Variants in PALLD observed in about 807,000 individuals in gnomAD.
PALLD encodes the protein palladin, cytoskeletal associated protein.
In PALLD, 61 loss-of-function variants were observed where a neutral mutation model predicts 123.5. That is an observed-to-expected ratio of 0.49 (90% CI 0.40 to 0.61). The LOEUF is 0.61. PALLD is among the 20% of genes least tolerant of loss of function. The pLI is 0.00. For missense variants in PALLD, 1,273 were observed against 1,377.0 expected (o/e 0.92, Z 1.20); for synonymous variants, 465 against 496.4 (o/e 0.94, Z 0.84).
intron 2 of PALLD, among the ~76,000 whole-genome samples, chr4:168,589,518 C>G (rs143423720): frequency 1.0e-3 from 153 of 152,210 alleles, no homozygotes; most frequent in African/African-American, 3.4e-3. Flanking sequence ...ATAACCCAGT[C>G]CACTGTACCC....
chr4:168,614,777 C>T (rs1437380101), intron 2 of PALLD, among the ~76,000 whole-genome samples: 1 of 152,098 alleles, frequency 6.6e-6, no homozygotes, highest in Non-Finnish European at 1.5e-5. Context: ...TGAAATCAAT[C>T]CTAATAACAA....
intron 10 of PALLD, among the ~76,000 whole-genome samples, chr4:168,803,392 C>T (rs1447860302): frequency 6.6e-6 from 1 of 152,138 alleles, no homozygotes; most frequent in Non-Finnish European, 1.5e-5. Context: ...TGCATATATA[C>T]TCCCTGAATC....
chr4:168,803,231 G>A (rs925586385), intron 10 of PALLD, among the ~76,000 whole-genome samples: 3 of 152,116 alleles, frequency 2.0e-5, no homozygotes, highest in African/African-American at 4.8e-5. Context: ...TCATACAGTC[G>A]TGGTGGAAGT....
chr4:168,512,208 A>C lies in PALLD; in HGVS notation c.704A>C (p.Lys235Thr). The C allele has an allele frequency of 6.2e-7, 1 of 1,613,798 alleles. No homozygotes were observed. The highest frequency in any genetic ancestry group is 8.5e-7 in the Non-Finnish European group (1 of 1,179,774). ...EDQGEMEREV[K>T]SPGARHCYQD... ...CAAGGGGAGATGGAAAGAGAGGTCA[A>C]GTCCCCTGGGGCCAGGCATTGCTAC... The change falls in exon 2 of 22, where the codon AAG becomes ACG. Residue 235 changes from lysine (K) to threonine (T), a missense_variant. By Grantham distance (78) the Lys-to-Thr change is moderately conservative (BLOSUM62 -1). This residue lies in a region of PALLD where 944 missense variants were observed against 954.5 expected (regional missense o/e 0.99). Coordinates refer to ENST00000505667, the MANE Select transcript of PALLD (RefSeq NM_001166108.2).
intron 10 of PALLD, among the ~76,000 whole-genome samples, chr4:168,804,948 C>G (rs923200945): frequency 6.6e-6 from 1 of 152,016 alleles, no homozygotes; most frequent in Non-Finnish European, 1.5e-5. Flanking sequence ...ATCACGAGGT[C>G]AGGAGTTCAA....
chr4:168,639,994 A>G (rs575065258), intron 2 of PALLD, among the ~76,000 whole-genome samples: 1 of 152,162 alleles, frequency 6.6e-6, no homozygotes, highest in Non-Finnish European at 1.5e-5. Flanking sequence ...CTGTTGAACT[A>G]TATCCAAGTG....
At chr4:168,908,550 T>C (rs990490137) in intron 15 of PALLD, among the ~76,000 whole-genome samples, 2 of 152,148 alleles carry the variant, frequency 1.3e-5, no homozygotes, top group African/African-American at 4.8e-5. Flanking sequence ...CCCAAAAGCA[T>C]AAAGTGTAGT....
intron 10 of PALLD, among the ~76,000 whole-genome samples, chr4:168,825,338 A>G (rs1743277435): frequency 1.3e-5 from 2 of 152,190 alleles, no homozygotes; most frequent in Admixed American, 6.5e-5. Flanking sequence ...TTTGTTAAAG[A>G]TATATACTGC....
At chr4:168,634,811 CT>C (rs921944404) in intron 2 of PALLD, among the ~76,000 whole-genome samples, 9 of 151,694 alleles carry the variant, frequency 5.9e-5, no homozygotes, top group African/African-American at 1.7e-4. Context: ...CCAACTTGAA[CT>C]TTTTTTTTAA....
intron 2 of PALLD, among the ~76,000 whole-genome samples, chr4:168,621,950 A>C (rs905410318): frequency 6.6e-6 from 1 of 152,150 alleles, no homozygotes; most frequent in African/African-American, 2.4e-5. Flanking sequence ...TTTGACTTAT[A>C]TGGGCACCCT....
chr4:168,758,525 G>C (rs577428872), intron 10 of PALLD, among the ~76,000 whole-genome samples: 62 of 152,204 alleles, frequency 4.1e-4, no homozygotes, highest in Non-Finnish European at 7.5e-4. Flanking sequence ...AGGCGTGTAG[G>C]TTCTTCAGCA....
chr4:168,866,149 C>T (rs1241040621), intron 10 of PALLD, among the ~76,000 whole-genome samples: 2 of 151,926 alleles, frequency 1.3e-5, no homozygotes, highest in Admixed American at 6.6e-5. Flanking sequence ...CCAGTAGTTC[C>T]AGCTGCTCAT....
intron 2 of PALLD, among the ~76,000 whole-genome samples, chr4:168,591,183 G>A (rs1771390719): frequency 1.3e-5 from 2 of 152,096 alleles, no homozygotes; most frequent in Admixed American, 1.3e-4. Context: ...CTGGCTGAAA[G>A]TATGTATTTT....
At chr4:168,612,111 G>A (rs1773788235) in intron 2 of PALLD, among the ~76,000 whole-genome samples, 1 of 152,100 alleles carries the variant, frequency 6.6e-6, no homozygotes, top group Middle Eastern at 3.2e-3. Flanking sequence ...AGTGAGCCAG[G>A]ATCGTGCCAC....
At chr4:168,768,334 G>A (rs947245943) in intron 10 of PALLD, among the ~76,000 whole-genome samples, 18 of 152,300 alleles carry the variant, frequency 1.2e-4, no homozygotes, top group African/African-American at 3.8e-4. Context: ...TAAAACATCC[G>A]CTCTACCTGT....
intron 10 of PALLD, among the ~76,000 whole-genome samples, chr4:168,879,576 A>G (rs1752335938): frequency 6.6e-6 from 1 of 152,244 alleles, no homozygotes; most frequent in Non-Finnish European, 1.5e-5. Flanking sequence ...GCTAGGATAC[A>G]CTAATGCCAC....
chr4:168,557,723 T>C (rs1767464974), intron 2 of PALLD, among the ~76,000 whole-genome samples: 1 of 152,194 alleles, frequency 6.6e-6, no homozygotes. Flanking sequence ...TCTCCTTCAG[T>C]AGTAAGAAGG....
intron 8 of PALLD, among the ~76,000 whole-genome samples, chr4:168,706,153 A>G (rs571899324): frequency 6.6e-5 from 10 of 152,268 alleles, no homozygotes. Context: ...CTGAACAGCA[A>G]CTGCCATTCC....
In PALLD at chr4:168,786,998, TCTAGCTAGCTAGC is replaced by T. The variant is rs377336888; in HGVS notation, c.1964+75076_1964+75088del. Among the ~76,000 whole-genome samples the T allele has an allele frequency of 2.0e-3, 298 of 152,280 alleles. 2 individuals carry two copies. The highest frequency in any genetic ancestry group is 6.9e-3 in the African/African-American group (285 of 41,568). On this transcript the variant is annotated intron_variant, in intron 10 of 21. Transcript: ENST00000505667. ...ATATATCAAACTTATTATCTATCCATCTAGCTAGCTAGCTAGCTAACTTACCTTCTATCCATCT... is the reference window on the plus strand; with the variant it reads ...ATATATCAAACTTATTATCTATCCATTAGCTAACTTACCTTCTATCCATCT...
Sources: gnomAD v4.1 joint callset for allele counts (sites outside exome capture counted in the v4.1 genomes callset) on GRCh38, gnomAD v4.1.1 for gene constraint, gnomAD v4.1.1 regional missense constraint, MANE v1.5 for transcripts, NCBI Gene and HGNC (gene_info 2026-07-23, HGNC 2026-07-21) for gene names.